The following ROR1 variants were observed in gnomAD, a reference collection of about 807,000 sequenced individuals.
The protein encoded by ROR1 is inactive tyrosine-protein kinase transmembrane receptor ROR1.
ROR1 carries 19 observed loss-of-function variants against 78.8 expected under a neutral mutation model. The ratio of observed to expected loss-of-function variants is 0.24; its 90% CI spans 0.17 to 0.35. The LOEUF (loss-of-function observed/expected upper bound fraction) is 0.35, where lower values mean the gene tolerates loss of function less well. ROR1 is among the 10% of genes least tolerant of loss of function. The probability of loss-of-function intolerance (pLI) is 1.00; values close to 1 mark genes in which losing one functional copy is unlikely to be tolerated. For missense variants in ROR1, 917 were observed against 1,177.8 expected, an observed-to-expected ratio of 0.78 and a Z score of 3.24; for synonymous variants, 386 against 433.6, an observed-to-expected ratio of 0.89 and a Z score of 1.36.
intron 2 of ROR1, among the ~76,000 whole-genome samples, chr1:64,025,795 A>T (rs892147849): frequency 1.3e-5 from 2 of 152,188 alleles, no homozygotes; most frequent in Admixed American, 1.3e-4. Context: ...GTTCTCACTC[A>T]TAAGTGGGAG....
At chr1:63,953,049 A>G (rs959206355) in intron 1 of ROR1, among the ~76,000 whole-genome samples, 2 of 152,168 alleles carry the variant, frequency 1.3e-5, no homozygotes, top group Admixed American at 6.5e-5. Context: ...AAAATTACAT[A>G]ATGAAAGGTG....
At chr1:63,781,898 T>G (rs1320072689) in intron 1 of ROR1, among the ~76,000 whole-genome samples, 1 of 152,214 alleles carries the variant, frequency 6.6e-6, no homozygotes, top group Non-Finnish European at 1.5e-5. Flanking sequence ...ATACAGTTGC[T>G]CTGGTATATT....
intron 1 of ROR1, among the ~76,000 whole-genome samples, chr1:63,943,129 G>A (rs1449401035): frequency 6.7e-6 from 1 of 149,500 alleles, no homozygotes; most frequent in Non-Finnish European, 1.5e-5. Flanking sequence ...ATTAAGTGCA[G>A]CAGCCATGCC....
chr1:63,897,510 T>A (rs1397611485), intron 1 of ROR1, among the ~76,000 whole-genome samples: 1 of 152,182 alleles, frequency 6.6e-6, no homozygotes, highest in Non-Finnish European at 1.5e-5. Flanking sequence ...TGTTTACTGT[T>A]TTCCACATAA....
intron 2 of ROR1, among the ~76,000 whole-genome samples, chr1:64,032,740 C>A (rs1047739697): frequency 6.6e-6 from 1 of 152,216 alleles, no homozygotes; most frequent in Non-Finnish European, 1.5e-5. Context: ...TTCTTAATCA[C>A]AGTCCTATTG....
At chr1:63,986,425 C>T (rs1311209156) in intron 1 of ROR1, among the ~76,000 whole-genome samples, 2 of 152,048 alleles carry the variant, frequency 1.3e-5, no homozygotes, top group Non-Finnish European at 1.5e-5. Flanking sequence ...ATGGGCATCC[C>T]AAGAAAGAGA....
intron 2 of ROR1, among the ~76,000 whole-genome samples, chr1:64,037,652 G>A (rs1169028563): frequency 6.6e-6 from 1 of 152,204 alleles, no homozygotes; most frequent in African/African-American, 2.4e-5. Flanking sequence ...AGGGTGTGCA[G>A]TTGACATTTA....
rs1221716113 is a variant in ROR1 at position 63,774,409 on chromosome 1, A to G, written c.-9A>G. The stretch of plus-strand genomic sequence containing the variant: ...AGCCGCCGCCGCCGCCGCCTCAGCG[A>G]GAGGAGGAATGCACCGGCCGCGCCG... On this transcript the variant is annotated 5_prime_UTR_variant, in exon 1 of 9. Transcript: ENST00000371079. This position sits in a 1 kb window ranked among gnomAD's most constrained non-coding sequence, Gnocchi z 5.7. 1.6e-6 allele frequency: 2 copies of G among 1,244,854 alleles called. No individual in the cohort carries two copies. The highest frequency in any genetic ancestry group is 8.1e-5 in the East Asian group (2 of 24,734). 77.1% of individuals were successfully genotyped at this position (1,244,854 alleles called of 1,614,324 possible).
At chr1:63,890,434 C>T (rs2100387757) in intron 1 of ROR1, among the ~76,000 whole-genome samples, 1 of 149,884 alleles carries the variant, frequency 6.7e-6, no homozygotes, top group East Asian at 2.0e-4. Context: ...AAATTCCATA[C>T]TAGATATGAG....
In ROR1 at chr1:64,119,868, C is replaced by T. The variant is rs114106982; in HGVS notation, c.483-17501C>T. On this transcript the variant is annotated intron_variant, in intron 4 of 8. Coordinates refer to ENST00000371079, the MANE Select transcript of ROR1 (RefSeq NM_005012.4). ...AGAAAGGGCAGAGCTAGGATTTGAA[C>T]TCTGGTTTATTTGATTCCAAAGCCC... 9.9e-3 allele frequency among the ~76,000 whole-genome samples: 1,509 copies of T among 152,246 alleles called. 21 individuals are homozygous for T. The highest frequency in any genetic ancestry group is 0.016 in the Non-Finnish European group (1,066 of 68,024).
intron 2 of ROR1, among the ~76,000 whole-genome samples, chr1:64,024,422 A>G (rs1248082742): frequency 6.6e-6 from 1 of 152,216 alleles, no homozygotes; most frequent in African/African-American, 2.4e-5. Flanking sequence ...CGGAGGTTGC[A>G]GTGAGCCGAG....
At chr1:63,930,318 C>T (rs78187518) in intron 1 of ROR1, among the ~76,000 whole-genome samples, 1,996 of 152,222 alleles carry the variant, frequency 0.013, 43 homozygotes, top group African/African-American at 0.047. Context: ...ACATTTCCTC[C>T]CCAGCAACCC....
chr1:64,135,981 G>T (rs1197141270), intron 4 of ROR1, among the ~76,000 whole-genome samples: 1 of 152,086 alleles, frequency 6.6e-6, no homozygotes, highest in Non-Finnish European at 1.5e-5. Flanking sequence ...AGACTCCTAC[G>T]CTAGACCTTC....
chr1:63,836,367 G>A (rs938375852), intron 1 of ROR1, among the ~76,000 whole-genome samples: 7 of 152,100 alleles, frequency 4.6e-5, no homozygotes, highest in African/African-American at 1.2e-4. Flanking sequence ...CTAAATTTAC[G>A]AACCATAAAT....
chr1:64,156,087 T>C (rs1049116628), intron 7 of ROR1, among the ~76,000 whole-genome samples: 6 of 152,212 alleles, frequency 3.9e-5, no homozygotes, highest in African/African-American at 1.4e-4. Flanking sequence ...CCCAAAACTT[T>C]TACCTGTGAA....
intron 4 of ROR1, among the ~76,000 whole-genome samples, chr1:64,111,691 G>A (rs954825871): frequency 6.6e-6 from 1 of 152,186 alleles, no homozygotes; most frequent in South Asian, 2.1e-4. Context: ...CTGTGTCTCC[G>A]TCTGTAAAAT....
intron 7 of ROR1, among the ~76,000 whole-genome samples, chr1:64,153,633 AG>A (rs1196460704): frequency 6.6e-6 from 1 of 152,198 alleles, no homozygotes; most frequent in African/African-American, 2.4e-5. Flanking sequence ...CATTAGACTA[AG>A]TAAAATACAC....
At chr1:63,788,834 G>A in intron 1 of ROR1, 1 of 678,828 alleles carries the variant, frequency 1.5e-6, no homozygotes, top group Non-Finnish European at 2.7e-6. Flanking sequence ...GCCTCAACCT[G>A]GTTAGCCAGG....
intron 1 of ROR1, among the ~76,000 whole-genome samples, chr1:63,806,047 G>A (rs573440145): frequency 2.6e-5 from 4 of 152,292 alleles, no homozygotes; most frequent in East Asian, 1.9e-4. Flanking sequence ...CTCCTTGGCT[G>A]TATAAGACAT....
Sources: allele counts gnomAD v4.1 joint callset (sites outside exome capture counted in the v4.1 genomes callset), GRCh38; gene constraint gnomAD v4.1.1; non-coding constraint Gnocchi (gnomAD v3.1); transcripts MANE v1.5; gene names NCBI Gene and HGNC (gene_info 2026-07-23, HGNC 2026-07-21).